TLE3: variants seen among roughly 807,000 people sequenced by gnomAD.
TLE3 encodes the protein transducin-like enhancer protein 3.
TLE3 carries 14 observed loss-of-function variants against 93.0 expected under a neutral mutation model. The ratio of observed to expected loss-of-function variants is 0.15; its 90% confidence interval spans 0.10 to 0.24. The LOEUF (loss-of-function observed/expected upper bound fraction) is 0.24, where lower values mean the gene tolerates loss of function less well. TLE3 is among the 10% of genes least tolerant of loss of function. TLE3 has a pLI of 1.00. For synonymous variants in TLE3, 451 were observed against 425.0 expected (o/e 1.06, Z -0.75); for missense variants, 693 against 1,046.6 (o/e 0.66, Z 4.66).
At chr15:70,069,263 C>T (rs1461566926) in intron 6 of TLE3, among the ~76,000 whole-genome samples, 1 of 152,220 alleles carries the variant, frequency 6.6e-6, no homozygotes, top group African/African-American at 2.4e-5. Context: ...CCTCCCAGCT[C>T]CATGCCTTCC....
intron 4 of TLE3, among the ~76,000 whole-genome samples, chr15:70,081,428 T>C (rs760239792): frequency 6.6e-5 from 10 of 152,226 alleles, no homozygotes; most frequent in Non-Finnish European, 1.0e-4. Flanking sequence ...CAAGGACCAG[T>C]CTTCAGAGCA....
intron 4 of TLE3, among the ~76,000 whole-genome samples, chr15:70,088,296 G>A (rs921765210): frequency 2.0e-5 from 3 of 152,212 alleles, no homozygotes; most frequent in Non-Finnish European, 2.9e-5. Flanking sequence ...TGCAAAGGAC[G>A]ATGCTTCAAA....
intron 4 of TLE3, among the ~76,000 whole-genome samples, chr15:70,089,282 G>C (rs1006809390): frequency 3.3e-5 from 5 of 152,172 alleles, no homozygotes; most frequent in African/African-American, 1.2e-4. Context: ...GGCCACATTA[G>C]CACTTACCTC....
Position 70,057,948 on chromosome 15 carries a change from C to T in TLE3, c.1051+211G>A, listed in dbSNP as rs7175702. 0.44 allele frequency: 369,780 copies of T among 834,546 alleles called. 84,435 individuals carry two copies. Among genetic ancestry groups the T allele is most frequent in the Middle Eastern group, 0.59 (1,608 of 2,748 alleles). 51.7% of individuals were successfully genotyped at this position (834,546 alleles called of 1,614,324 possible). A position where few individuals can be genotyped will look rare whatever the true frequency, so the allele number is the denominator to read the frequency against. On this transcript the variant is annotated intron_variant, in intron 12 of 19. Coordinates refer to ENST00000451782, the MANE Select transcript of TLE3 (RefSeq NM_001105192.3). Reference sequence around the variant, plus strand: ...GGAACAGATTTTGGGAGCCCTGACCCGTCTGATGCTGCTTTCATGTCTGGC... The same window carrying T: ...GGAACAGATTTTGGGAGCCCTGACCTGTCTGATGCTGCTTTCATGTCTGGC...
intron 3 of TLE3, chr15:70,095,330 T>C: frequency 1.4e-6 from 2 of 1,407,884 alleles, no homozygotes; most frequent in Admixed American, 3.1e-5. Context: ...CACATAAAGA[T>C]AGTACAGAAG....
chr15:70,092,315 G>A (rs1314370953), intron 4 of TLE3, among the ~76,000 whole-genome samples: 1 of 152,148 alleles, frequency 6.6e-6, no homozygotes, highest in East Asian at 1.9e-4. Flanking sequence ...TTGCCTCTTT[G>A]TTCCTCCACA....
At position 70,048,315 on chromosome 15, in the gene TLE3, G is replaced by C. The variant is rs2055239642; in HGVS notation, c.*1782C>G. The C allele has an allele frequency of 6.6e-6, 1 of 152,084 alleles. No homozygotes were observed. Among genetic ancestry groups the C allele is most frequent in the African/African-American group, 2.4e-5 (1 of 41,374 alleles). The allele number at this position is 152,084 out of a possible 1,614,324, so 9.4% of individuals were successfully genotyped here. A position where few individuals can be genotyped will look rare whatever the true frequency, so the allele number is the denominator to read the frequency against. On this transcript the variant is annotated 3_prime_UTR_variant, in exon 20 of 20. Transcript: ENST00000451782. ...CTACCCTCACCCTCCCTTCTGGCTA[G>C]AGCCTTAACAAGAGGTGGCAGATGG...
At chr15:70,085,793 A>G (rs890896420) in intron 4 of TLE3, among the ~76,000 whole-genome samples, 1 of 152,184 alleles carries the variant, frequency 6.6e-6, no homozygotes, top group Admixed American at 6.5e-5. Flanking sequence ...GAGATCCCCC[A>G]TTTCTCTGGG....
intron 14 of TLE3, chr15:70,056,007 A>T: frequency 2.0e-6 from 1 of 505,600 alleles, no homozygotes. Flanking sequence ...GCTCCAGGTG[A>T]CTCGGTGAGG....
chr15:70,086,144 T>C (rs1417168556), intron 4 of TLE3, among the ~76,000 whole-genome samples: 3 of 152,104 alleles, frequency 2.0e-5, no homozygotes, highest in Non-Finnish European at 4.4e-5. Context: ...GCCCTCTGAG[T>C]GTCCTACTTC....
At position 70,060,590 on chromosome 15, in the gene TLE3, C is replaced by T. The variant is rs373542671; in HGVS notation, c.654G>A (p.Ala218=). ...LRASEKHRGS[A]DYSMEAKKRK... ...GCTTCTTGGCTTCCATGCTGTAGTC[C>T]GCAGAGCCCCGGTGCTTCTCACTGG... Residue 218 remains alanine (A), a synonymous_variant, in exon 9 of 20, where the codon GCG becomes GCA. Coordinates refer to ENST00000451782, the MANE Select transcript of TLE3 (RefSeq NM_001105192.3). 93 of 1,613,890 alleles carry T rather than the reference C, an allele frequency of 5.8e-5. 2 individuals are homozygous for T. The South Asian group carries it at 7.2e-4, about 13-fold the overall frequency.
intron 1 of TLE3, 76 bp downstream of exon 1, chr15:70,096,699 A>G (rs369726972): frequency 1.3e-6 from 2 of 1,586,704 alleles, no homozygotes; most frequent in Admixed American, 1.8e-5. Context: ...AACAAGCAAA[A>G]TGGAGGTGCC....
chr15:70,081,920 G>T (rs1234400576), intron 4 of TLE3, among the ~76,000 whole-genome samples: 3 of 152,230 alleles, frequency 2.0e-5, no homozygotes, highest in Non-Finnish European at 4.4e-5. Context: ...GTGTTTGGGG[G>T]TGTCATCTCA....
In TLE3 at chr15:70,076,163, A is replaced by G; in HGVS notation, c.235-5T>C. The G allele has an allele frequency of 6.2e-7, 1 of 1,613,938 alleles. No individual in the cohort carries two copies. Among genetic ancestry groups the G allele is most frequent in the Non-Finnish European group, 8.5e-7 (1 of 1,179,818 alleles). ...CAGTCTCTTCGCAATCTCTGTCTGC[A>G]AAGGCAAGGAGACCACATGAAGCTC... On this transcript the variant is annotated splice_region_variant and splice_polypyrimidine_tract_variant and intron_variant, in intron 4 of 19. Coordinates refer to ENST00000451782, the MANE Select transcript of TLE3 (RefSeq NM_001105192.3).
chr15:70,054,273 A>C, intron 16 of TLE3, 165 bp downstream of exon 16: 1 of 1,002,442 alleles, frequency 1.0e-6, no homozygotes, highest in African/African-American at 1.6e-5. Flanking sequence ...TGTCCCTCGC[A>C]TAAGGCAGGC....
chr15:70,060,308 T>G (rs1180835020), intron 9 of TLE3, among the ~76,000 whole-genome samples: 1 of 152,106 alleles, frequency 6.6e-6, no homozygotes, highest in Admixed American at 6.5e-5. Flanking sequence ...GACCTCCCCA[T>G]CCACCTCCGC....
At chr15:70,057,960 C>T in intron 12 of TLE3, 199 bp downstream of exon 12, 1 of 900,728 alleles carries the variant, frequency 1.1e-6, no homozygotes, top group Non-Finnish European at 1.7e-6. Flanking sequence ...TCTGATGCTG[C>T]TTTCATGTCT....
At position 70,052,519 on chromosome 15, in the gene TLE3, G is replaced by A. The variant is rs750163600; in HGVS notation, c.1980C>T (p.Phe660=). 1.9e-6 allele frequency: 3 copies of A among 1,613,190 alleles called. No individual in the cohort carries two copies. The Admixed American group carries it at 5.0e-5, about 27-fold the overall frequency. ...CCCCAGTGGGGCAGTAGCCCAGCGAGAAGATCTGCAGGTGGTGGGAGGGCA... is the reference window on the plus strand; with the variant it reads ...CCCCAGTGGGGCAGTAGCCCAGCGAAAAGATCTGCAGGTGGTGGGAGGGCA... ...LQQHDFTSQI[F]SLGYCPTGEW... The change falls in exon 18 of 20, where the codon TTC becomes TTT. Residue 660 remains phenylalanine, a synonymous_variant. Transcript: ENST00000451782.
At chr15:70,084,100 G>C (rs748890204) in intron 4 of TLE3, among the ~76,000 whole-genome samples, 16 of 152,124 alleles carry the variant, frequency 1.1e-4, no homozygotes, top group Non-Finnish European at 2.2e-4. Context: ...CACACCATTT[G>C]ATCTCTCATT....
Sources: allele counts gnomAD v4.1 joint callset (sites outside exome capture counted in the v4.1 genomes callset), GRCh38; gene constraint gnomAD v4.1.1; transcripts MANE v1.5; gene names NCBI Gene and HGNC (gene_info 2026-07-23, HGNC 2026-07-21).